Variants in RNF213 observed in about 807,000 individuals in gnomAD.
RNF213 encodes ring finger protein 213, also known as E3 ubiquitin-protein ligase RNF213.
A neutral mutation model predicts 514.4 loss-of-function variants in RNF213; 341 were observed. That is an observed-to-expected ratio of 0.66 (90% CI 0.61 to 0.73). The LOEUF is 0.73. Among genes scored for constraint, RNF213 ranks in the 30% least tolerant of loss-of-function variants. RNF213 has a pLI of 0.00. For missense variants in RNF213, 5,767 were observed against 6,615.6 expected (o/e 0.87, Z 4.45); for synonymous variants, 2,655 against 2,658.2 (o/e 1.00, Z 0.04).
rs1453658914 is a variant in RNF213, at chr17:80,364,480, T to C, written c.11798T>C (p.Val3933Ala). Residue 3933 changes from valine (V) to alanine (A), a missense_variant, in exon 42 of 68, where the codon GTG becomes GCG. Coordinates refer to ENST00000582970, the MANE Select transcript of RNF213 (RefSeq NM_001256071.3). ...TCCACCGCACTCTTCGTGGAGCACG[T>C]GCTCCTAGGAACCGAGAGCCGCGTC... Reference protein sequence around the residue: ...IFSTALFVEHVLLGTESRVPE... With the variant: ...IFSTALFVEHALLGTESRVPE... The C allele has an allele frequency of 6.2e-7, 1 of 1,614,050 alleles. No homozygotes were observed. Among genetic ancestry groups the C allele is most frequent in the East Asian group, 2.2e-5 (1 of 44,892 alleles).
At chr17:80,290,432 C>T (rs35057778) in intron 6 of RNF213, 138 bp from the exon 7 acceptor site, 51 of 996,876 alleles carry the variant, frequency 5.1e-5, no homozygotes, top group Non-Finnish European at 7.0e-5. Context: ...CGAGTGTGCG[C>T]GTGTGTGCAT....
intron 3 of RNF213, among the ~76,000 whole-genome samples, chr17:80,282,419 G>A (rs187257442): frequency 6.6e-6 from 1 of 152,002 alleles, no homozygotes; most frequent in Admixed American, 6.6e-5. Context: ...TATTTTTTGA[G>A]ATGGAGTCTC....
chr17:80,367,716 T>C (rs776710292), intron 42 of RNF213, 32 bp from the exon 43 acceptor site: 43 of 1,590,304 alleles, frequency 2.7e-5, no homozygotes, highest in Non-Finnish European at 3.5e-5. Context: ...CCCTCCCCCC[T>C]GCTAATGACT....
rs1486059884 is a variant in RNF213, at chr17:80,289,938, G to A, written c.1112+101G>A. ...AGGGGATATCCAGGCTGCCCTTCTA[G>A]TCAGCTGTTTTGGCAAGTTTAACTT... is the stretch of plus-strand genomic sequence containing the variant. On this transcript the variant is annotated intron_variant, in intron 6 of 67. Transcript: ENST00000582970. 75 of 1,333,104 alleles carry A rather than the reference G, an allele frequency of 5.6e-5. 1 individual carries two copies. Among genetic ancestry groups the A allele is most frequent in the Non-Finnish European group, 7.7e-5 (73 of 952,376 alleles). The allele number at this position is 1,333,104 out of a possible 1,614,324, so 82.6% of individuals were successfully genotyped here.
At chr17:80,310,019 C>T (rs1165226048) in intron 14 of RNF213, among the ~76,000 whole-genome samples, 1 of 151,990 alleles carries the variant, frequency 6.6e-6, no homozygotes, top group Non-Finnish European at 1.5e-5. Flanking sequence ...CTCCAAAGTG[C>T]TGGGATTACA....
At chr17:80,352,662 C>T in intron 32 of RNF213, 2 of 614,152 alleles carry the variant, frequency 3.3e-6, no homozygotes, top group East Asian at 2.7e-5. Flanking sequence ...GGTGAAAGAA[C>T]CACAGGCCTT....
chr17:80,278,043 G>T (rs1459465559), intron 3 of RNF213, among the ~76,000 whole-genome samples: 1 of 152,236 alleles, frequency 6.6e-6, no homozygotes, highest in Non-Finnish European at 1.5e-5. Flanking sequence ...GACTAACAGG[G>T]TGTCCTTTGT....
In RNF213 at chr17:80,382,724, G is replaced by A. The variant is rs190629194; in HGVS notation, c.13979-255G>A. The A allele has an allele frequency of 1.0e-4, 42 of 403,774 alleles. 5 individuals are homozygous for A. In the East Asian group the frequency reaches 2.3e-3, roughly 22 times the overall value. 25.0% of individuals were successfully genotyped at this position (403,774 alleles called of 1,614,324 possible). A position where few individuals can be genotyped will look rare whatever the true frequency, so the allele number is the denominator to read the frequency against. The stretch of plus-strand genomic sequence containing the variant: ...ATTGAGCTCAAGTTCTGTTCTTTCA[G>A]TAATTTTTTTCAAAATGGGTCTAAG... On this transcript the variant is annotated intron_variant, in intron 57 of 67. Coordinates refer to ENST00000582970, the MANE Select transcript of RNF213 (RefSeq NM_001256071.3).
chr17:80,262,520 G>T (rs867497614), intron 1 of RNF213, among the ~76,000 whole-genome samples: 1 of 152,132 alleles, frequency 6.6e-6, no homozygotes, highest in Admixed American at 6.6e-5. Context: ...CTCCTCTTGT[G>T]TGTCCCTGGG....
intron 25 of RNF213, among the ~76,000 whole-genome samples, chr17:80,338,630 G>GT (rs1384308633): frequency 2.9e-4 from 30 of 102,808 alleles, no homozygotes; most frequent in Admixed American, 1.1e-3. Context: ...AAAGTATAAG[G>GT]TTTTTTTTTT....
intron 36 of RNF213, among the ~76,000 whole-genome samples, chr17:80,356,564 C>A (rs1465778924): frequency 6.6e-6 from 1 of 152,246 alleles, no homozygotes; most frequent in Non-Finnish European, 1.5e-5. Flanking sequence ...TTTGCCCTCT[C>A]GGGATTAAAC....
At chr17:80,283,547 G>C (rs532860474) in intron 3 of RNF213, among the ~76,000 whole-genome samples, 2 of 152,198 alleles carry the variant, frequency 1.3e-5, no homozygotes, top group South Asian at 2.1e-4. Context: ...CAGCCTCCCC[G>C]GGCTCTGCCC....
At chr17:80,314,332 T>C (rs1243499584) in intron 15 of RNF213, among the ~76,000 whole-genome samples, 1 of 9,838 alleles carries the variant, frequency 1.0e-4, no homozygotes, top group African/African-American at 3.9e-4. Flanking sequence ...GAGGTGATGG[T>C]GGTGGTGGTG....
chr17:80,336,900 CA>C (rs1342542396), intron 23 of RNF213: 18 of 187,120 alleles, frequency 9.6e-5, no homozygotes, highest in East Asian at 3.0e-4. Flanking sequence ...GACTCTGTCT[CA>C]AAAAAAAGAA....
Position 80,363,129 on chromosome 17 carries a change from A to T in RNF213, c.11383A>T (p.Thr3795Ser). 6.2e-7 allele frequency: 1 copy of T among 1,614,250 alleles called. No homozygotes were observed. Among genetic ancestry groups the T allele is most frequent in the Non-Finnish European group, 8.5e-7 (1 of 1,180,044 alleles). Residue 3795 changes from threonine to serine, a missense_variant, in exon 40 of 68, where the codon ACT (threonine) becomes TCT (serine). By Grantham distance (58) the Thr-to-Ser change is moderately conservative. This residue lies in a region of RNF213 where 355 missense variants were observed against 358.0 expected (regional missense o/e 0.99). Transcript: ENST00000582970. ...TCTGCAGATGGCTCTGTGGTCCTGC[A>T]CTAGGAAACTGAAAGCGGCGTCAGA... ...KFLQMALWSC[T>S]RKLKAASEAP...
chr17:80,313,605 GAGGTGA>G (rs2045655649), intron 15 of RNF213, among the ~76,000 whole-genome samples: 3 of 148,642 alleles, frequency 2.0e-5, no homozygotes, highest in African/African-American at 2.5e-5. Context: ...GGTGGTGGTG[GAGGTGA>G]TGGTGATTGT....
chr17:80,307,362 G>GCTTT lies in RNF213; in HGVS notation c.2501+161_2501+162insCTTT, dbSNP rs550244427. 5.9e-3 allele frequency among the ~76,000 whole-genome samples: 666 copies of GCTTT among 113,692 alleles called. 4 individuals are homozygous for GCTTT. Among genetic ancestry groups the GCTTT allele is most frequent in the Middle Eastern group, 0.02 (4 of 196 alleles). The allele number at this position is 113,692 out of a possible 152,430, so 74.6% of individuals were successfully genotyped here. Reference sequence around the variant, plus strand: ...TCTCAGGTTATTAATATTGTCGTCTGTTTTTTTTTTTTTTTTTTTGAGTCA... The same window carrying GCTTT: ...TCTCAGGTTATTAATATTGTCGTCTGCTTTTTTTTTTTTTTTTTTTTTTGAGTCA... On this transcript the variant is annotated intron_variant, in intron 13 of 67. Transcript: ENST00000582970.
intron 32 of RNF213, 138 bp downstream of exon 32, chr17:80,351,941 A>G (rs752479961): frequency 3.0e-5 from 17 of 571,686 alleles, no homozygotes; most frequent in Non-Finnish European, 3.9e-5. Flanking sequence ...TACAACCTCA[A>G]TCTCCTGGGT....
Position 80,367,958 on chromosome 17 carries a change from T to C in RNF213, c.11973-3T>C, listed in dbSNP as rs1246959337. ...AGAACTGATTGCCCTTCTTGGATTC[T>C]AGGTTTGGGATTCAGCCGTGCTCCA... On this transcript the variant is annotated splice_polypyrimidine_tract_variant and splice_region_variant and intron_variant, in intron 43 of 67. Transcript: ENST00000582970. The C allele has an allele frequency of 1.9e-6, 3 of 1,614,140 alleles. No individual in the cohort carries two copies. In the Admixed American group the frequency reaches 5.0e-5, roughly 27 times the overall value.
Sources: allele counts gnomAD v4.1 joint callset (sites outside exome capture counted in the v4.1 genomes callset), GRCh38; gene constraint gnomAD v4.1.1; regional missense constraint gnomAD v4.1.1; transcripts MANE v1.5; gene names NCBI Gene and HGNC (gene_info 2026-07-23, HGNC 2026-07-21).